LGSN: variants seen among roughly 807,000 people sequenced by gnomAD.
LGSN encodes lengsin, lens protein with glutamine synthetase domain, also known as lengsin.
A neutral mutation model predicts 19.5 loss-of-function variants in LGSN; 21 were observed. The ratio of observed to expected loss-of-function variants is 1.07; its 90% confidence interval spans 0.76 to 1.55. The LOEUF is 1.55. Among genes scored for constraint, LGSN ranks in the 40% most tolerant of loss-of-function variants. The probability of loss-of-function intolerance (pLI) is 0.00; values close to 1 mark genes in which losing one functional copy is unlikely to be tolerated. For missense variants in LGSN, 673 were observed against 608.5 expected (o/e 1.11, Z -1.12); for synonymous variants, 257 against 215.6 (o/e 1.19, Z -1.68).
the LGSN span, among the ~76,000 whole-genome samples, chr6:63,464,852 C>A: frequency 6.6e-6 from 1 of 151,636 alleles, no homozygotes; most frequent in Non-Finnish European, 1.5e-5. Context: ...AACAGTGAAA[C>A]CCTATCTATT....
At chr6:63,432,726 C>G in the LGSN span, among the ~76,000 whole-genome samples, 1 of 151,660 alleles carries the variant, frequency 6.6e-6, no homozygotes, top group Non-Finnish European at 1.5e-5. Context: ...AAATTTTTCT[C>G]CACAGAGTTT....
the LGSN span, among the ~76,000 whole-genome samples, chr6:63,459,483 G>T: frequency 2.0e-5 from 3 of 152,040 alleles, no homozygotes; most frequent in East Asian, 5.8e-4. Flanking sequence ...TTGAACTCCT[G>T]CCCTCAAGCA....
At chr6:63,477,650 T>TTTTTC in the LGSN span, among the ~76,000 whole-genome samples, 58 of 149,290 alleles carry the variant, frequency 3.9e-4, no homozygotes, top group African/African-American at 1.3e-3. Context: ...ATCCTTTTTT[T>TTTTTC]TTTTCTTTTT....
At chr6:63,320,072 T>A, upstream of LGSN, 1 of 709,318 alleles carries the variant, frequency 1.4e-6, no homozygotes, top group Non-Finnish European at 2.5e-6. Flanking sequence ...TCCAGAGGGG[T>A]CTGGCAGGTA....
At chr6:63,485,822 G>A in the LGSN span, among the ~76,000 whole-genome samples, 3 of 152,050 alleles carry the variant, frequency 2.0e-5, no homozygotes, top group African/African-American at 4.8e-5. Context: ...TCTGCCTCCC[G>A]GGTTCAAGTG....
chr6:63,299,743 A>AAT (rs1319008463), intron 1 of LGSN, among the ~76,000 whole-genome samples: 2 of 152,222 alleles, frequency 1.3e-5, no homozygotes, highest in African/African-American at 2.4e-5. Context: ...GATCTTATAT[A>AAT]ATATTTGTCA....
chr6:63,383,371 T>TAC, the LGSN span, among the ~76,000 whole-genome samples: 12,335 of 139,176 alleles, frequency 0.089, 595 homozygotes, highest in African/African-American at 0.15. Flanking sequence ...AACCATTACT[T>TAC]ACACACACAC....
the LGSN span, among the ~76,000 whole-genome samples, chr6:63,403,085 G>T: frequency 2.8e-4 from 37 of 133,018 alleles, no homozygotes; most frequent in African/African-American, 1.0e-3. Context: ...ATAGATGATA[G>T]AGAGAGAGAG....
rs1210441333 is a variant in LGSN at position 63,281,189 on chromosome 6, C to T, written c.362G>A (p.Arg121Gln). The change falls in exon 4 of 4, where the codon CGA (arginine) becomes CAA (glutamine). Residue 121 changes from arginine (R) to glutamine (Q), a missense_variant. Arg to Gln is a conservative substitution (Grantham distance 43). Transcript: ENST00000370657. The part of the protein sequence containing the change: ...EKVSHGVCMP[R>Q]GYLEVIPNPK... ...ATTTGGTATCACTTCAAGATAACCT[C>T]GGGGCATGCAAACACCATGGCTCAC... 2.5e-6 allele frequency: 4 copies of T among 1,602,112 alleles called. No individual in the cohort carries two copies. In the South Asian group the frequency reaches 3.4e-5, roughly 13 times the overall value.
At chr6:63,510,177 C>T in the LGSN span, among the ~76,000 whole-genome samples, 1 of 152,136 alleles carries the variant, frequency 6.6e-6, no homozygotes, top group Non-Finnish European at 1.5e-5. Flanking sequence ...CTTGTGACTG[C>T]CATAAAGTAT....
chr6:63,428,329 G>T, the LGSN span, among the ~76,000 whole-genome samples: 72,027 of 151,866 alleles, frequency 0.47, 18,346 homozygotes, highest in Non-Finnish European at 0.54. Flanking sequence ...ACAAATGAAT[G>T]AATACAGGCA....
chr6:63,402,221 T>C, the LGSN span, among the ~76,000 whole-genome samples: 1 of 152,196 alleles, frequency 6.6e-6, no homozygotes, highest in African/African-American at 2.4e-5. Context: ...GAACATAAAT[T>C]CATAGTAAAT....
chr6:63,495,536 GC>G, the LGSN span, among the ~76,000 whole-genome samples: 1 of 133,716 alleles, frequency 7.5e-6, no homozygotes, highest in Admixed American at 9.0e-5. Flanking sequence ...TCAGCGCTCT[GC>G]CTCCCTGGTT....
the LGSN span, among the ~76,000 whole-genome samples, chr6:63,411,264 AGACATTCTCCCAG>A: frequency 6.6e-6 from 1 of 152,204 alleles, no homozygotes; most frequent in African/African-American, 2.4e-5. Flanking sequence ...ACATTTACGC[AGACATTCTCCCAG>A]TTACTTTCAG....
the LGSN span, among the ~76,000 whole-genome samples, chr6:63,362,671 G>C: frequency 6.6e-6 from 1 of 152,212 alleles, no homozygotes; most frequent in Non-Finnish European, 1.5e-5. Flanking sequence ...CATTGCTGAG[G>C]CTTGAGTAGG....
the LGSN span, among the ~76,000 whole-genome samples, chr6:63,367,999 G>A: frequency 2.7e-3 from 410 of 151,680 alleles, 4 homozygotes; most frequent in African/African-American, 9.4e-3. Context: ...TAAATGACGA[G>A]TTAAGGGGTA....
chr6:63,394,427 C>T, the LGSN span, among the ~76,000 whole-genome samples: 1 of 152,152 alleles, frequency 6.6e-6, no homozygotes, highest in Non-Finnish European at 1.5e-5. Context: ...AAAGACACTC[C>T]CACTAGCATC....
Position 63,294,897 on chromosome 6 carries a change from C to T in LGSN, c.163+16G>A. The T allele has an allele frequency of 1.2e-6, 2 of 1,613,422 alleles. No individual in the cohort carries two copies. Among genetic ancestry groups the T allele is most frequent in the Non-Finnish European group, 1.7e-6 (2 of 1,179,606 alleles). On this transcript the variant is annotated intron_variant, in intron 2 of 3. Coordinates refer to ENST00000370657, the MANE Select transcript of LGSN (RefSeq NM_016571.3). ...TCTGACCACACCATTTTTGAGGACTCAGAGTAGTTAGATACCATTTGAATT... is the reference window on the plus strand; with the variant it reads ...TCTGACCACACCATTTTTGAGGACTTAGAGTAGTTAGATACCATTTGAATT...
Position 63,309,609 on chromosome 6 carries a change from A to G in LGSN, c.30+10305T>C, listed in dbSNP as rs560372141. ...TTTTTAAACTGACAGATAAAATTGT[A>G]TGTATGTATACCACAAAATGTTTTA... On this transcript the variant is annotated intron_variant, in intron 1 of 3. Coordinates refer to ENST00000370657, the MANE Select transcript of LGSN (RefSeq NM_016571.3). Among the ~76,000 whole-genome samples, 6 of 152,272 alleles carry G rather than the reference A, an allele frequency of 3.9e-5. No homozygotes were observed. The East Asian group carries it at 9.6e-4, about 24-fold the overall frequency.
Sources: allele counts gnomAD v4.1 joint callset (sites outside exome capture counted in the v4.1 genomes callset), GRCh38; gene constraint gnomAD v4.1.1; transcripts MANE v1.5; gene names NCBI Gene and HGNC (gene_info 2026-07-23, HGNC 2026-07-21).